The following RABEP1 variants were observed in gnomAD, a reference collection of about 807,000 sequenced individuals.
RABEP1 encodes rabaptin, RAB GTPase binding effector protein 1.
RABEP1 carries 51 observed loss-of-function variants against 123.4 expected under a neutral mutation model. That is an observed-to-expected ratio of 0.41 (90% CI 0.33 to 0.52). RABEP1 has a LOEUF of 0.52. RABEP1 is among the 20% of genes least tolerant of loss of function. The pLI is 0.16. For missense variants in RABEP1, 888 were observed against 996.3 expected, an observed-to-expected ratio of 0.89 and a Z score of 1.46; for synonymous variants, 347 against 355.2, an observed-to-expected ratio of 0.98 and a Z score of 0.26.
At chr17:5,359,670 GA>G (rs1211000465) in intron 8 of RABEP1, among the ~76,000 whole-genome samples, 2 of 152,104 alleles carry the variant, frequency 1.3e-5, no homozygotes, top group East Asian at 3.9e-4. Flanking sequence ...ATTACACCAA[GA>G]ATATTTTTAA....
chr17:5,298,340 C>T (rs577220779), intron 1 of RABEP1, among the ~76,000 whole-genome samples: 9 of 152,138 alleles, frequency 5.9e-5, no homozygotes, highest in Non-Finnish European at 8.8e-5. Context: ...ATTCGTTTTA[C>T]GGTATAATTA....
chr17:5,324,046 A>G (rs1486098074), intron 2 of RABEP1, among the ~76,000 whole-genome samples: 2 of 152,004 alleles, frequency 1.3e-5, no homozygotes, highest in Non-Finnish European at 2.9e-5. Context: ...TACAAATCCT[A>G]TCAAAATACC....
rs1264683589 is a variant in RABEP1 at position 5,350,434 on chromosome 17, G to A, written c.785-17G>A. The stretch of plus-strand genomic sequence containing the variant: ...AATTCAGTGTTTTTGATTTGTGGTG[G>A]GGGGGTTCCTAAACAGTTTGCCATC... On this transcript the variant is annotated splice_polypyrimidine_tract_variant and intron_variant, in intron 6 of 17. Coordinates refer to ENST00000537505, the MANE Select transcript of RABEP1 (RefSeq NM_004703.6). The A allele has an allele frequency of 6.3e-7, 1 of 1,591,268 alleles. No individual in the cohort carries two copies. The highest frequency in any genetic ancestry group is 1.9e-5 in the Admixed American group (1 of 53,746).
At chr17:5,343,014 C>A (rs1205249186) in intron 5 of RABEP1, among the ~76,000 whole-genome samples, 1 of 152,202 alleles carries the variant, frequency 6.6e-6, no homozygotes, top group Non-Finnish European at 1.5e-5. Flanking sequence ...CATCTCAGCA[C>A]TTTGGGAGGC....
chr17:5,337,175 G>A (rs994278490), intron 4 of RABEP1, among the ~76,000 whole-genome samples: 4 of 152,112 alleles, frequency 2.6e-5, no homozygotes, highest in African/African-American at 9.7e-5. Context: ...TAGTTTTAAG[G>A]GGTCACTCTT....
chr17:5,282,569 C>T (rs1567858963), intron 1 of RABEP1, 49 bp downstream of exon 1: 1 of 1,118,462 alleles, frequency 8.9e-7, no homozygotes, highest in East Asian at 3.8e-5. Flanking sequence ...TGCCCGGCGT[C>T]GGCGTCGCGG....
At chr17:5,309,789 C>A (rs1279084898) in intron 2 of RABEP1, among the ~76,000 whole-genome samples, 3 of 152,016 alleles carry the variant, frequency 2.0e-5, no homozygotes, top group East Asian at 3.8e-4. Flanking sequence ...ATGTAGTTTC[C>A]ACAGCTCTCT....
chr17:5,337,163 G>A (rs1907172005), intron 4 of RABEP1, among the ~76,000 whole-genome samples: 1 of 152,170 alleles, frequency 6.6e-6, no homozygotes, highest in Admixed American at 6.5e-5. Flanking sequence ...GGAAAGCAAT[G>A]ATAGTTTTAA....
At chr17:5,290,382 C>G (rs541783115) in intron 1 of RABEP1, among the ~76,000 whole-genome samples, 1 of 152,000 alleles carries the variant, frequency 6.6e-6, no homozygotes, top group Non-Finnish European at 1.5e-5. Flanking sequence ...GCCACCGCGC[C>G]CGTCCTCCTT....
At chr17:5,334,532 A>C (rs11650938) in intron 3 of RABEP1, among the ~76,000 whole-genome samples, 3 of 151,688 alleles carry the variant, frequency 2.0e-5, no homozygotes, top group Non-Finnish European at 2.9e-5. Flanking sequence ...ACACCCGGCA[A>C]TTTTTCTATC....
chr17:5,378,300 C>T (rs761735169), intron 15 of RABEP1, 68 bp downstream of exon 15: 1 of 1,388,706 alleles, frequency 7.2e-7, no homozygotes, highest in South Asian at 1.2e-5. Context: ...TACTATGCTG[C>T]ACCCAACGAA....
chr17:5,285,123 G>A (rs1450333009), intron 1 of RABEP1, among the ~76,000 whole-genome samples: 1 of 151,996 alleles, frequency 6.6e-6, no homozygotes, highest in African/African-American at 2.4e-5. Context: ...TTTTGATACT[G>A]CATCTTAGTT....
intron 1 of RABEP1, among the ~76,000 whole-genome samples, chr17:5,283,500 G>C (rs186567622): frequency 2.4e-4 from 37 of 152,222 alleles, no homozygotes; most frequent in Admixed American, 5.9e-4. Flanking sequence ...GAAATAGTGT[G>C]CTTGGGCTTT....
Position 5,282,366 on chromosome 17 carries a change from G to T in RABEP1, c.-121G>T. 4.9e-6 allele frequency: 4 copies of T among 810,592 alleles called. No individual in the cohort carries two copies. Among genetic ancestry groups the T allele is most frequent in the Non-Finnish European group, 6.8e-6 (4 of 586,688 alleles). 50.2% of individuals were successfully genotyped at this position (810,592 alleles called of 1,614,324 possible). A position where few individuals can be genotyped will look rare whatever the true frequency, so the allele number is the denominator to read the frequency against. On this transcript the variant is annotated 5_prime_UTR_variant, in exon 1 of 18. Coordinates refer to ENST00000537505, the MANE Select transcript of RABEP1 (RefSeq NM_004703.6). ...GGCGCCGGCGGATCCAGCCTTAGCG[G>T]TTTCTCTCTGGGCGGCGGCGGCGGC...
intron 4 of RABEP1, chr17:5,336,478 T>A (rs1339645974): frequency 2.1e-6 from 1 of 472,128 alleles, no homozygotes; most frequent in Non-Finnish European, 4.2e-6. Context: ...TCCTTTTTTT[T>A]CTGTTCTAGG....
intron 1 of RABEP1, 39 bp downstream of exon 1, chr17:5,282,559 TG>T (rs2144411772): frequency 1.7e-6 from 2 of 1,147,370 alleles, no homozygotes; most frequent in South Asian, 8.7e-5. Context: ...GGGCGCGGCC[TG>T]CCCGGCGTCG....
chr17:5,305,302 C>T (rs559272775), intron 1 of RABEP1, among the ~76,000 whole-genome samples: 2 of 152,054 alleles, frequency 1.3e-5, no homozygotes, highest in Non-Finnish European at 2.9e-5. Flanking sequence ...GACAATTACT[C>T]GATATACTCT....
intron 2 of RABEP1, among the ~76,000 whole-genome samples, chr17:5,323,837 GGAATATATATA>G (rs1905684368): frequency 1.1e-5 from 1 of 87,032 alleles, no homozygotes; most frequent in Non-Finnish European, 2.1e-5. Context: ...TATATATCTA[GGAATATATATA>G]TATATCTAGG....
chr17:5,355,154 C>T (rs1180769324), intron 8 of RABEP1, among the ~76,000 whole-genome samples: 2 of 152,208 alleles, frequency 1.3e-5, no homozygotes, highest in African/African-American at 4.8e-5. Context: ...CTCCCCTACT[C>T]AAAAACTACC....
Sources: gnomAD v4.1 joint callset for allele counts (sites outside exome capture counted in the v4.1 genomes callset) on GRCh38, gnomAD v4.1.1 for gene constraint, MANE v1.5 for transcripts, NCBI Gene and HGNC (gene_info 2026-07-23, HGNC 2026-07-21) for gene names.